The following GPR55 variants were observed in gnomAD, a reference collection of about 807,000 sequenced individuals.
The protein encoded by GPR55 is G-protein coupled receptor 55.
A neutral mutation model predicts 7.9 loss-of-function variants in GPR55; 6 were observed. The ratio of observed to expected loss-of-function variants is 0.76; its 90% CI spans 0.41 to 1.49. GPR55 has a LOEUF of 1.49. Ranked by LOEUF, GPR55 falls within the 40% of genes most tolerant of loss-of-function variation. GPR55 has a pLI of 0.01. For missense variants in GPR55, 376 were observed against 406.0 expected (o/e 0.93, Z 0.63); for synonymous variants, 183 against 166.8 (o/e 1.10, Z -0.75).
intron 1 of GPR55, among the ~76,000 whole-genome samples, chr2:230,942,060 T>C (rs1199533540): frequency 6.6e-6 from 1 of 152,182 alleles, no homozygotes; most frequent in Non-Finnish European, 1.5e-5. Flanking sequence ...GGGGCTATAC[T>C]GGGCCTTTTC....
intron 1 of GPR55, among the ~76,000 whole-genome samples, chr2:230,943,237 C>T (rs1416537015): frequency 1.3e-5 from 2 of 152,184 alleles, no homozygotes; most frequent in African/African-American, 4.8e-5. Context: ...GGCCCATCTA[C>T]ATCCGGAGCC....
chr2:230,949,169 G>GTTTT (rs755080947), intron 1 of GPR55, among the ~76,000 whole-genome samples: 50 of 151,974 alleles, frequency 3.3e-4, no homozygotes, highest in Middle Eastern at 6.8e-3. Flanking sequence ...TTGTTTGTTT[G>GTTTT]TTTGTTTTCT....
intron 1 of GPR55, among the ~76,000 whole-genome samples, chr2:230,921,504 A>G (rs1690835285): frequency 6.6e-6 from 1 of 152,256 alleles, no homozygotes; most frequent in Non-Finnish European, 1.5e-5. Context: ...GCAGTGCCAT[A>G]TTAAAAATAC....
At chr2:230,912,272 C>T (rs575409843) in intron 1 of GPR55, among the ~76,000 whole-genome samples, 13 of 152,234 alleles carry the variant, frequency 8.5e-5, no homozygotes, top group Admixed American at 5.2e-4. Context: ...CAGGTCCTGC[C>T]GTGAGACCCA....
chr2:230,956,921 C>CT (rs74270934), intron 1 of GPR55, among the ~76,000 whole-genome samples: 35,290 of 145,564 alleles, frequency 0.24, 4,523 homozygotes, highest in Non-Finnish European at 0.29. Flanking sequence ...TCAGATTAAC[C>CT]TTTTTTTTTT....
Position 230,911,085 on chromosome 2 carries a change from A to G in GPR55, c.-123T>C, listed in dbSNP as rs1265497982. On this transcript the variant is annotated 5_prime_UTR_variant, in exon 2 of 2. It removes an upstream start codon present in the reference 5' UTR. Transcript: ENST00000650999. ...CAGCATCACACAGCAATTCATGCCC[A>G]TTGAATCACAACTAGAACACAGAAA... is the stretch of plus-strand genomic sequence containing the variant. 2 of 969,912 alleles carry G rather than the reference A, an allele frequency of 2.1e-6. No individual in the cohort carries two copies. The highest frequency in any genetic ancestry group is 4.7e-5 in the Admixed American group (2 of 42,396). 60.1% of individuals were successfully genotyped at this position (969,912 alleles called of 1,614,324 possible).
rs1041810682 is a variant in GPR55, at chr2:230,923,759, A to T, written c.-135+1409T>A. 5.9e-5 allele frequency among the ~76,000 whole-genome samples: 9 copies of T among 152,108 alleles called. No individual in the cohort carries two copies. The highest frequency in any genetic ancestry group is 2.2e-4 in the African/African-American group (9 of 41,416). The stretch of plus-strand genomic sequence containing the variant: ...CAGATAAGGACAGTAAGGCTTAGAG[A>T]TGTTAAAGATTCTACCCAAGGTCAA... On this transcript the variant is annotated intron_variant, in intron 1 of 1. Coordinates refer to ENST00000650999, the MANE Select transcript of GPR55 (RefSeq NM_005683.4). The surrounding 1 kb of genome is among the most constrained non-coding windows in gnomAD (Gnocchi z 4.1).
chr2:230,933,373 C>T (rs903713042), intron 1 of GPR55, among the ~76,000 whole-genome samples: 4 of 152,180 alleles, frequency 2.6e-5, no homozygotes, highest in Middle Eastern at 3.2e-3. Context: ...TCCTGCAAAC[C>T]GTCTCCTGGG....
At position 230,910,257 on chromosome 2, in the gene GPR55, C is replaced by T. The variant is rs767315444; in HGVS notation, c.706G>A (p.Val236Met). 4.3e-5 allele frequency: 70 copies of T among 1,613,968 alleles called. No homozygotes were observed. In the South Asian group the frequency reaches 4.5e-4, roughly 10 times the overall value. ...AGGTGGACTGGGAGGAAGGAGACCA[C>T]GAAGACAGCCAGGCTGGCTGCGATG... ...YSIAASLAVF[V>M]VSFLPVHLGF... is the part of the protein sequence containing the mutation. Residue 236 changes from valine to methionine, a missense_variant, in exon 2 of 2, where the codon GTG (valine) becomes ATG (methionine). By Grantham distance (21) the Val-to-Met change is conservative. Coordinates refer to ENST00000650999, the MANE Select transcript of GPR55 (RefSeq NM_005683.4). The surrounding 1 kb of genome is among the most constrained non-coding windows in gnomAD (Gnocchi z 5.4).
chr2:230,937,554 A>G (rs994763836), intron 1 of GPR55, among the ~76,000 whole-genome samples: 1 of 151,488 alleles, frequency 6.6e-6, no homozygotes, highest in Non-Finnish European at 1.5e-5. Context: ...ACCCTTCTGC[A>G]GAAGTAAATT....
At chr2:230,925,538 G>A (rs1046882557), upstream of GPR55, among the ~76,000 whole-genome samples, 1 of 152,066 alleles carries the variant, frequency 6.6e-6, no homozygotes, top group Admixed American at 6.5e-5. Context: ...TCAAGCCCTG[G>A]GAAGCCTCTG....
intron 1 of GPR55, among the ~76,000 whole-genome samples, chr2:230,941,067 A>G (rs970225616): frequency 1.3e-5 from 2 of 152,032 alleles, no homozygotes; most frequent in South Asian, 2.1e-4. Flanking sequence ...CAGTGAGCCA[A>G]GATGGCACCA....
At chr2:230,922,570 T>C (rs1690863616) in intron 1 of GPR55, among the ~76,000 whole-genome samples, 1 of 152,092 alleles carries the variant, frequency 6.6e-6, no homozygotes, top group Non-Finnish European at 1.5e-5. Flanking sequence ...TTAAAATTTA[T>C]TTTTATTTAT....
chr2:230,958,483 T>TA (rs1691524746), intron 1 of GPR55, among the ~76,000 whole-genome samples: 1 of 152,192 alleles, frequency 6.6e-6, no homozygotes, highest in Admixed American at 6.5e-5. Flanking sequence ...AAGTAGGTCT[T>TA]ATTCATTCTT....
chr2:230,958,957 T>C (rs1691530603), intron 1 of GPR55, among the ~76,000 whole-genome samples: 1 of 152,208 alleles, frequency 6.6e-6, no homozygotes, highest in Non-Finnish European at 1.5e-5. Context: ...ATAACTGTCA[T>C]AAATCACATT....
At chr2:230,914,258 C>G (rs1690660116) in intron 1 of GPR55, among the ~76,000 whole-genome samples, 1 of 152,174 alleles carries the variant, frequency 6.6e-6, no homozygotes. Context: ...TTGACAGTAG[C>G]AGGTATATTC....
intron 1 of GPR55, among the ~76,000 whole-genome samples, chr2:230,960,179 A>C (rs1004559001): frequency 6.6e-6 from 1 of 152,268 alleles, no homozygotes; most frequent in African/African-American, 2.4e-5. Flanking sequence ...ACAAGACTCC[A>C]GGAAGCTGTC....
At chr2:230,935,759 C>T (rs1315303348) in intron 1 of GPR55, among the ~76,000 whole-genome samples, 1 of 152,100 alleles carries the variant, frequency 6.6e-6, no homozygotes, top group African/African-American at 2.4e-5. Context: ...GTCAGAAACG[C>T]TTGGAAAAAG....
At chr2:230,922,007 G>C (rs1322001450) in intron 1 of GPR55, among the ~76,000 whole-genome samples, 1 of 152,176 alleles carries the variant, frequency 6.6e-6, no homozygotes, top group African/African-American at 2.4e-5. Context: ...GAGTGTCTGA[G>C]AGTAGACAAA....
Sources: allele counts gnomAD v4.1 joint callset (sites outside exome capture counted in the v4.1 genomes callset), GRCh38; gene constraint gnomAD v4.1.1; non-coding constraint Gnocchi (gnomAD v3.1); transcripts MANE v1.5; gene names NCBI Gene and HGNC (gene_info 2026-07-23, HGNC 2026-07-21).